Variants in LIPC observed in about 807,000 individuals in gnomAD.
LIPC encodes the protein hepatic triacylglycerol lipase.
LIPC carries 44 observed loss-of-function variants against 50.7 expected under a neutral mutation model. That is an observed-to-expected ratio of 0.87 (90% CI 0.68 to 1.11). LIPC has a LOEUF of 1.11. Among genes scored for constraint, LIPC ranks in the 50% most tolerant of loss-of-function variants. LIPC has a pLI of 0.00. For missense variants in LIPC, 697 were observed against 648.2 expected, an observed-to-expected ratio of 1.08 and a Z score of -0.82; for synonymous variants, 271 against 256.4, an observed-to-expected ratio of 1.06 and a Z score of -0.54.
intron 1 of LIPC, among the ~76,000 whole-genome samples, chr15:58,470,806 G>T (rs578239389): frequency 1.3e-5 from 2 of 152,136 alleles, no homozygotes; most frequent in South Asian, 4.2e-4. Flanking sequence ...CACTCTATTA[G>T]CAGCCAGGAT....
At chr15:58,516,153 TG>T (rs1168372527) in intron 1 of LIPC, among the ~76,000 whole-genome samples, 12 of 152,128 alleles carry the variant, frequency 7.9e-5, no homozygotes, top group African/African-American at 2.9e-4. Flanking sequence ...CATTGTCTTC[TG>T]GTAGGCCTCG....
intron 1 of LIPC, among the ~76,000 whole-genome samples, chr15:58,516,237 CTTT>C (rs11351202): frequency 3.5e-4 from 16 of 45,164 alleles, no homozygotes; most frequent in East Asian, 8.9e-4. Context: ...CCTCTAGCTT[CTTT>C]TTTTTTTTTT....
chr15:58,528,719 A>T (rs1211339701), intron 1 of LIPC, among the ~76,000 whole-genome samples: 1 of 152,224 alleles, frequency 6.6e-6, no homozygotes, highest in Non-Finnish European at 1.5e-5. Context: ...AGCCACGCTC[A>T]GGGCATGGGC....
At chr15:58,455,374 T>C (rs1375537962) in intron 1 of LIPC, among the ~76,000 whole-genome samples, 1 of 152,136 alleles carries the variant, frequency 6.6e-6, no homozygotes, top group South Asian at 2.1e-4. Context: ...CAAAAACACA[T>C]GGTGCACCAG....
rs547667151 is a variant in LIPC at position 58,530,149 on chromosome 15, C to T, written c.89-8184C>T. Among the ~76,000 whole-genome samples the T allele has an allele frequency of 1.4e-3, 218 of 152,316 alleles. 1 individual carries two copies. The highest frequency in any genetic ancestry group is 6.8e-3 in the Middle Eastern group (2 of 294). ...TTGAAATGCAGGCTGGGTGCAGCGA[C>T]GCTGCATGGTCTCCAGGCGCCTTGT... On this transcript the variant is annotated intron_variant, in intron 1 of 8. Coordinates refer to ENST00000299022, the MANE Select transcript of LIPC (RefSeq NM_000236.3).
intron 6 of LIPC, among the ~76,000 whole-genome samples, chr15:58,556,970 T>C (rs1893974815): frequency 6.6e-6 from 1 of 152,246 alleles, no homozygotes; most frequent in South Asian, 2.1e-4. Flanking sequence ...GTAGTTATCA[T>C]AATTGCTGTT....
chr15:58,464,924 G>A (rs1487060721), intron 1 of LIPC, among the ~76,000 whole-genome samples: 1 of 152,190 alleles, frequency 6.6e-6, no homozygotes, highest in African/African-American at 2.4e-5. Flanking sequence ...AGTGAGCCAA[G>A]ACTGTGCCAC....
intron 1 of LIPC, among the ~76,000 whole-genome samples, chr15:58,464,385 C>G (rs139721013): frequency 6.6e-6 from 1 of 152,226 alleles, no homozygotes; most frequent in Non-Finnish European, 1.5e-5. Context: ...AAAGCCCAAC[C>G]TGCTTTCCCA....
intron 1 of LIPC, among the ~76,000 whole-genome samples, chr15:58,449,422 C>CGACA (rs1893822944): frequency 1.3e-5 from 2 of 152,106 alleles, no homozygotes; most frequent in Non-Finnish European, 2.9e-5. Context: ...GGGTCACTGT[C>CGACA]AATATCAACA....
At chr15:58,541,325 A>G (rs1472905604) in intron 2 of LIPC, among the ~76,000 whole-genome samples, 1 of 151,938 alleles carries the variant, frequency 6.6e-6, no homozygotes, top group African/African-American at 2.4e-5. Context: ...AGCCAGTGCT[A>G]TGGGTTTAGG....
At chr15:58,556,279 C>T (rs1893947692) in intron 6 of LIPC, among the ~76,000 whole-genome samples, 1 of 152,064 alleles carries the variant, frequency 6.6e-6, no homozygotes, top group Admixed American at 6.5e-5. Context: ...GTGCTGTGCC[C>T]TTGTGGAGAT....
chr15:58,484,467 T>C (rs1348373778), intron 1 of LIPC, among the ~76,000 whole-genome samples: 1 of 152,248 alleles, frequency 6.6e-6, no homozygotes, highest in Non-Finnish European at 1.5e-5. Context: ...ACGTCACAAA[T>C]GCTTCTACAG....
At chr15:58,461,813 T>C (rs1272619968) in intron 1 of LIPC, among the ~76,000 whole-genome samples, 1 of 152,108 alleles carries the variant, frequency 6.6e-6, no homozygotes. Context: ...TCACACCCAT[T>C]GGCCTTGGAT....
chr15:58,498,909 T>C (rs1356228821), intron 1 of LIPC, among the ~76,000 whole-genome samples: 1 of 152,178 alleles, frequency 6.6e-6, no homozygotes, highest in Non-Finnish European at 1.5e-5. Flanking sequence ...GAGGGGGTTG[T>C]TTATACAAAT....
chr15:58,438,716 T>G (rs1377375408), intron 1 of LIPC, among the ~76,000 whole-genome samples: 5 of 152,170 alleles, frequency 3.3e-5, no homozygotes, highest in African/African-American at 1.2e-4. Flanking sequence ...GAAGGTGCAA[T>G]TCCTAAACAT....
intron 1 of LIPC, among the ~76,000 whole-genome samples, chr15:58,468,110 T>C (rs1430369547): frequency 6.6e-6 from 1 of 152,166 alleles, no homozygotes; most frequent in Non-Finnish European, 1.5e-5. Flanking sequence ...CACTCAATGC[T>C]TGGGGAAAGG....
At chr15:58,436,796 G>A (rs1273963295) in intron 1 of LIPC, 2 of 456,312 alleles carry the variant, frequency 4.4e-6, no homozygotes, top group African/African-American at 2.0e-5. Flanking sequence ...TGAGTAGGGT[G>A]TTGAAGGATG....
intron 1 of LIPC, among the ~76,000 whole-genome samples, chr15:58,458,429 T>C (rs1163013330): frequency 6.6e-6 from 1 of 152,228 alleles, no homozygotes; most frequent in African/African-American, 2.4e-5. Flanking sequence ...GATTTTTCTT[T>C]ATGTTGGTGC....
intron 1 of LIPC, among the ~76,000 whole-genome samples, chr15:58,468,054 T>TA (rs778797685): frequency 6.6e-6 from 1 of 152,148 alleles, no homozygotes; most frequent in Non-Finnish European, 1.5e-5. Flanking sequence ...ATGATGCATG[T>TA]AAAATGCTCG....
Sources: allele counts gnomAD v4.1 joint callset (sites outside exome capture counted in the v4.1 genomes callset), GRCh38; gene constraint gnomAD v4.1.1; transcripts MANE v1.5; gene names NCBI Gene and HGNC (gene_info 2026-07-23, HGNC 2026-07-21).